Variants in GLIS3 observed in about 807,000 individuals in gnomAD.
GLIS3 encodes zinc finger protein GLIS3.
GLIS3 carries 53 observed loss-of-function variants against 78.6 expected under a neutral mutation model. The ratio of observed to expected loss-of-function variants is 0.67; its 90% CI spans 0.54 to 0.85. The LOEUF (loss-of-function observed/expected upper bound fraction) is 0.85, where lower values mean the gene tolerates loss of function less well. Ranked by LOEUF, GLIS3 falls within the 40% of genes least tolerant of loss-of-function variation. The pLI, the probability that GLIS3 is intolerant of heterozygous loss-of-function variation, is 0.00. For synonymous variants in GLIS3, 684 were observed against 509.9 expected (o/e 1.34, Z -4.60); for missense variants, 1,703 against 1,231.1 (o/e 1.38, Z -5.74).
At chr9:4,408,318 G>A in the GLIS3 span, among the ~76,000 whole-genome samples, 1 of 151,738 alleles carries the variant, frequency 6.6e-6, no homozygotes, top group Non-Finnish European at 1.5e-5. Context: ...GCACTCCCAT[G>A]TTTGTTGCAG....
At chr9:4,070,545 T>A (rs180955019) in intron 4 of GLIS3, among the ~76,000 whole-genome samples, 84 of 151,988 alleles carry the variant, frequency 5.5e-4, no homozygotes, top group African/African-American at 1.9e-3. Flanking sequence ...TGTGTGTGTG[T>A]GAGAGAGAGA....
In GLIS3 at chr9:4,175,764, G is replaced by C. The variant is rs898770546; in HGVS notation, c.389-49823C>G. Among the ~76,000 whole-genome samples, 3 of 152,304 alleles carry C rather than the reference G, an allele frequency of 2.0e-5. No homozygotes were observed. In the South Asian group the frequency reaches 6.2e-4, roughly 32 times the overall value. ...AGGAAGTGAAGCAATGTAACAAACA[G>C]GGATTGAATACTCCTTTTACATCAA... On this transcript the variant is annotated intron_variant, in intron 2 of 10. Transcript: ENST00000381971.
chr9:4,231,977 G>C (rs1822292706), intron 2 of GLIS3, among the ~76,000 whole-genome samples: 1 of 152,102 alleles, frequency 6.6e-6, no homozygotes, highest in African/African-American at 2.4e-5. Flanking sequence ...TACTTTTTTT[G>C]GGTAACCAGA....
the GLIS3 span, among the ~76,000 whole-genome samples, chr9:4,402,973 G>A: frequency 6.6e-6 from 1 of 152,138 alleles, no homozygotes; most frequent in Non-Finnish European, 1.5e-5. Context: ...AAGGTTAATA[G>A]AACACCAAGC....
chr9:3,889,060 C>G (rs988930359), intron 7 of GLIS3, among the ~76,000 whole-genome samples: 2 of 152,098 alleles, frequency 1.3e-5, no homozygotes, highest in African/African-American at 4.8e-5. Flanking sequence ...GAAAACATAA[C>G]CCTTGATATT....
intron 2 of GLIS3, among the ~76,000 whole-genome samples, chr9:4,188,455 CTCT>C (rs1818012671): frequency 6.7e-6 from 1 of 149,622 alleles, no homozygotes; most frequent in African/African-American, 2.5e-5. Context: ...GTCTAAAATT[CTCT>C]TTTTTGGTTG....
At chr9:3,960,369 G>C (rs1817465654) in intron 4 of GLIS3, among the ~76,000 whole-genome samples, 1 of 152,148 alleles carries the variant, frequency 6.6e-6, no homozygotes, top group Non-Finnish European at 1.5e-5. Flanking sequence ...CCAGTTTGTG[G>C]TACTTTGTTA....
rs1357850045 is a variant in GLIS3, at chr9:4,240,197, G to C, written c.388+45841C>G. On this transcript the variant is annotated intron_variant, in intron 2 of 10. Coordinates refer to ENST00000381971, the MANE Select transcript of GLIS3 (RefSeq NM_001042413.2). ...TTTTTCCACAGATGTGGGGGAGGTGGGGGGGGGGGATGGTTTCGGGATGAA... is the reference window on the plus strand; with the variant it reads ...TTTTTCCACAGATGTGGGGGAGGTGCGGGGGGGGGATGGTTTCGGGATGAA... Among the ~76,000 whole-genome samples the C allele has an allele frequency of 0.015, 3 of 200 alleles. No homozygotes were observed. In the Non-Finnish European group the frequency reaches 0.3, roughly 20 times the overall value. 0.1% of individuals were successfully genotyped at this position (200 alleles called of 152,430 possible).
chr9:4,101,933 A>T lies in GLIS3; in HGVS notation c.1710+15835T>A, dbSNP rs532620713. 2.6e-5 allele frequency among the ~76,000 whole-genome samples: 4 copies of T among 152,366 alleles called. No homozygotes were observed. In the South Asian group the frequency reaches 8.3e-4, roughly 32 times the overall value. ...AGTGGCAGAGCATCCAAGGACACAG[A>T]TGCTGTAAAACTGCAAACTTAGACC... On this transcript the variant is annotated intron_variant, in intron 4 of 10. Transcript: ENST00000381971.
intron 6 of GLIS3, among the ~76,000 whole-genome samples, chr9:3,928,949 C>T (rs533545508): frequency 7.2e-5 from 11 of 152,282 alleles, no homozygotes; most frequent in Admixed American, 5.9e-4. Context: ...TAAAGGAAAC[C>T]CTCCTGCTTA....
intron 7 of GLIS3, among the ~76,000 whole-genome samples, chr9:3,886,841 T>C (rs1193570725): frequency 6.6e-6 from 1 of 152,088 alleles, no homozygotes; most frequent in East Asian, 2.0e-4. Context: ...GCGTTTGGTA[T>C]TGAGGTTAAT....
intron 5 of GLIS3, among the ~76,000 whole-genome samples, chr9:3,936,303 T>C (rs1825896313): frequency 6.6e-6 from 1 of 152,134 alleles, no homozygotes; most frequent in African/African-American, 2.4e-5. Flanking sequence ...GCTATCAACA[T>C]AATTGAGAAA....
chr9:4,380,749 T>C, the GLIS3 span, among the ~76,000 whole-genome samples: 1 of 152,112 alleles, frequency 6.6e-6, no homozygotes. Flanking sequence ...TTAAATAAAG[T>C]ACGAAAGAAA....
At chr9:4,425,289 C>G in the GLIS3 span, among the ~76,000 whole-genome samples, 1 of 152,188 alleles carries the variant, frequency 6.6e-6, no homozygotes, top group Non-Finnish European at 1.5e-5. Context: ...GTAATATACA[C>G]AAGACTGTTT....
chr9:4,236,200 A>AG (rs1400880160), intron 2 of GLIS3, among the ~76,000 whole-genome samples: 10 of 144,984 alleles, frequency 6.9e-5, no homozygotes, highest in Admixed American at 1.4e-4. Flanking sequence ...AAAAAAAAAA[A>AG]AAAAAAAGAA....
chr9:3,923,758 G>A (rs908887383), intron 6 of GLIS3, among the ~76,000 whole-genome samples: 1 of 152,194 alleles, frequency 6.6e-6, no homozygotes, highest in Admixed American at 6.5e-5. Context: ...CAGGATGGAT[G>A]AGGTGACATT....
At chr9:4,484,592 A>G in the GLIS3 span, among the ~76,000 whole-genome samples, 1 of 151,088 alleles carries the variant, frequency 6.6e-6, no homozygotes, top group African/African-American at 2.4e-5. Context: ...TAATTTTTGT[A>G]TTTTTAGTAG....
chr9:4,130,682 G>A (rs1197709327), intron 2 of GLIS3, among the ~76,000 whole-genome samples: 1 of 152,238 alleles, frequency 6.6e-6, no homozygotes, highest in African/African-American at 2.4e-5. Flanking sequence ...GGAAAAGCCT[G>A]GATGTCCAGA....
At chr9:4,459,997 C>T in the GLIS3 span, among the ~76,000 whole-genome samples, 1 of 152,178 alleles carries the variant, frequency 6.6e-6, no homozygotes, top group Admixed American at 6.5e-5. Context: ...AATAGAGGCA[C>T]ACTCTAAAAG....
Sources: gnomAD v4.1 joint callset for allele counts (sites outside exome capture counted in the v4.1 genomes callset) on GRCh38, gnomAD v4.1.1 for gene constraint, MANE v1.5 for transcripts, NCBI Gene and HGNC (gene_info 2026-07-23, HGNC 2026-07-21) for gene names.